ADGRB3: variants seen among roughly 807,000 people sequenced by gnomAD.
The protein encoded by ADGRB3 is adhesion G protein-coupled receptor B3.
ADGRB3 carries 37 observed loss-of-function variants against 193.4 expected under a neutral mutation model. The ratio of observed to expected loss-of-function variants is 0.19; its 90% confidence interval spans 0.15 to 0.25. The LOEUF is 0.25. ADGRB3 is among the 10% of genes least tolerant of loss of function. The probability of loss-of-function intolerance (pLI) is 1.00; values close to 1 mark genes in which losing one functional copy is unlikely to be tolerated. For synonymous variants in ADGRB3, 690 were observed against 644.2 expected, an observed-to-expected ratio of 1.07 and a Z score of -1.08; for missense variants, 1,637 against 1,852.9, an observed-to-expected ratio of 0.88 and a Z score of 2.14.
chr6:68,968,096 C>A (rs556500601), intron 8 of ADGRB3, among the ~76,000 whole-genome samples: 2 of 148,142 alleles, frequency 1.4e-5, no homozygotes, highest in Non-Finnish European at 3.0e-5. Flanking sequence ...GAAGAGAGGA[C>A]GTTTTATTTT....
At chr6:68,886,280 G>T (rs986472446) in intron 3 of ADGRB3, among the ~76,000 whole-genome samples, 1 of 152,008 alleles carries the variant, frequency 6.6e-6, no homozygotes, top group Non-Finnish European at 1.5e-5. Context: ...TTTACCTAAA[G>T]TACAGTACTC....
chr6:69,236,067 ATCT>A (rs1766259202), intron 19 of ADGRB3, among the ~76,000 whole-genome samples: 1 of 152,000 alleles, frequency 6.6e-6, no homozygotes, highest in East Asian at 1.9e-4. Flanking sequence ...AGAAATCTTA[ATCT>A]TTATTCACTT....
intron 20 of ADGRB3, among the ~76,000 whole-genome samples, chr6:69,303,759 A>C (rs191802617): frequency 1.1e-4 from 16 of 152,078 alleles, no homozygotes; most frequent in African/African-American, 3.9e-4. Context: ...AAACTGACCT[A>C]TCTCTAAAGA....
intron 13 of ADGRB3, among the ~76,000 whole-genome samples, chr6:69,025,615 G>T (rs1390230460): frequency 1.3e-5 from 2 of 148,290 alleles, no homozygotes; most frequent in Non-Finnish European, 3.0e-5. Flanking sequence ...TTCTATCTCT[G>T]CCTTCTGGCT....
intron 3 of ADGRB3, among the ~76,000 whole-genome samples, chr6:68,844,363 A>T (rs1385934758): frequency 6.6e-6 from 1 of 152,216 alleles, no homozygotes; most frequent in Non-Finnish European, 1.5e-5. Context: ...AATGGGTAAA[A>T]GATATGAATA....
intron 22 of ADGRB3, among the ~76,000 whole-genome samples, chr6:69,328,895 G>C (rs1012495902): frequency 5.3e-5 from 8 of 152,056 alleles, no homozygotes; most frequent in Admixed American, 3.3e-4. Flanking sequence ...GAAAGTCACT[G>C]TATTGAGAAT....
rs181910848 is a variant in ADGRB3, at chr6:69,353,612, T to C, written c.3460-621T>C. ...AAGACACACATATTACGTACAACAG[T>C]GGAATAAATCTGCCTTCTGGCAAGA... On this transcript the variant is annotated intron_variant, in intron 26 of 31. Coordinates refer to ENST00000370598, the MANE Select transcript of ADGRB3 (RefSeq NM_001704.3). 6.4e-3 allele frequency among the ~76,000 whole-genome samples: 980 copies of C among 152,326 alleles called. 8 individuals are homozygous for C. Among genetic ancestry groups the C allele is most frequent in the Non-Finnish European group, 8.8e-3 (602 of 68,028 alleles).
At chr6:68,928,024 T>C (rs1767230395) in intron 3 of ADGRB3, among the ~76,000 whole-genome samples, 1 of 152,050 alleles carries the variant, frequency 6.6e-6, no homozygotes, top group South Asian at 2.1e-4. Flanking sequence ...TATTGATAAG[T>C]GGAAATAACT....
At chr6:69,241,833 C>A (rs1766391081) in intron 20 of ADGRB3, among the ~76,000 whole-genome samples, 1 of 151,768 alleles carries the variant, frequency 6.6e-6, no homozygotes, top group South Asian at 2.1e-4. Context: ...GTTATTGATG[C>A]ATTCGGGGAG....
At chr6:68,845,354 G>A (rs1768253199) in intron 3 of ADGRB3, among the ~76,000 whole-genome samples, 1 of 152,152 alleles carries the variant, frequency 6.6e-6, no homozygotes, top group Non-Finnish European at 1.5e-5. Context: ...ACCAAGCACA[G>A]TGACAGCCCC....
At chr6:69,042,541 A>G (rs1381726198) in intron 13 of ADGRB3, among the ~76,000 whole-genome samples, 2 of 152,224 alleles carry the variant, frequency 1.3e-5, no homozygotes, top group Non-Finnish European at 2.9e-5. Flanking sequence ...TGTTAATGCC[A>G]AGGGGGTAAT....
At chr6:69,275,140 T>C (rs59323391) in intron 20 of ADGRB3, among the ~76,000 whole-genome samples, 41,250 of 152,020 alleles carry the variant, frequency 0.27, 7,428 homozygotes, top group African/African-American at 0.51. Flanking sequence ...AAGTCTATGA[T>C]GTAGGGCTGA....
intron 3 of ADGRB3, among the ~76,000 whole-genome samples, chr6:68,884,219 G>T (rs908003408): frequency 6.6e-6 from 1 of 152,112 alleles, no homozygotes; most frequent in Non-Finnish European, 1.5e-5. Flanking sequence ...TACTTTATGA[G>T]CACTTCGTTC....
At chr6:69,232,151 C>G (rs1419775287) in intron 17 of ADGRB3, among the ~76,000 whole-genome samples, 3 of 152,210 alleles carry the variant, frequency 2.0e-5, no homozygotes, top group Admixed American at 2.0e-4. Context: ...TAAACACACA[C>G]ACATACAGGT....
intron 17 of ADGRB3, among the ~76,000 whole-genome samples, chr6:69,219,492 T>C (rs1002532865): frequency 4.2e-5 from 6 of 141,568 alleles, no homozygotes; most frequent in Non-Finnish European, 9.3e-5. Context: ...TATATATATA[T>C]ACGTGTGTGT....
intron 3 of ADGRB3, among the ~76,000 whole-genome samples, chr6:68,711,698 T>G (rs552428957): frequency 6.6e-6 from 1 of 152,238 alleles, no homozygotes; most frequent in East Asian, 1.9e-4. Context: ...AGCCCATCCC[T>G]TCAAAAGCAT....
intron 6 of ADGRB3, 21 bp downstream of exon 6, chr6:68,944,015 G>T (rs766415405): frequency 6.3e-7 from 1 of 1,578,814 alleles, no homozygotes; most frequent in Non-Finnish European, 8.7e-7. Flanking sequence ...TCTGCATTTG[G>T]TTATGTTTGC....
At chr6:69,003,197 T>C (rs1769634683) in intron 11 of ADGRB3, among the ~76,000 whole-genome samples, 1 of 152,032 alleles carries the variant, frequency 6.6e-6, no homozygotes, top group South Asian at 2.1e-4. Flanking sequence ...AAGACAAAAA[T>C]GGAACAAAAA....
In ADGRB3 at chr6:69,043,290, G is replaced by GAGAGAAAGAAAAGAAAGAAAGAAAGAA. The variant is rs1554252049; in HGVS notation, c.2108-4892_2108-4891insGAAAGAAAAGAAAGAAAGAAAGAAAGA. ...GGAAAGAAAAGGAAAGGAAGAAAGA[G>GAGAGAAAGAAAAGAAAGAAAGAAAGAA]AGAAAGAAAGAAAGAAAGAAAGAAA... On this transcript the variant is annotated intron_variant, in intron 13 of 31. Transcript: ENST00000370598. Among the ~76,000 whole-genome samples the GAGAGAAAGAAAAGAAAGAAAGAAAGAA allele has an allele frequency of 1.5e-4, 13 of 88,088 alleles. No individual in the cohort carries two copies. In the East Asian group the frequency reaches 3.3e-3, roughly 22 times the overall value. The allele number at this position is 88,088 out of a possible 152,430, so 57.8% of individuals were successfully genotyped here.
Sources: gnomAD v4.1 joint callset for allele counts (sites outside exome capture counted in the v4.1 genomes callset) on GRCh38, gnomAD v4.1.1 for gene constraint, MANE v1.5 for transcripts, NCBI Gene and HGNC (gene_info 2026-07-23, HGNC 2026-07-21) for gene names.